CACNA1E: variants seen among roughly 807,000 people sequenced by gnomAD.
The protein encoded by CACNA1E is calcium voltage-gated channel subunit alpha1 E.
CACNA1E carries 40 observed loss-of-function variants against 259.2 expected under a neutral mutation model. The ratio of observed to expected loss-of-function variants is 0.15; its 90% CI spans 0.12 to 0.20. The LOEUF (loss-of-function observed/expected upper bound fraction) is 0.20. CACNA1E is among the 10% of genes least tolerant of loss of function. The pLI is 1.00. For missense variants in CACNA1E, 1,874 were observed against 3,040.1 expected (o/e 0.62, Z 9.02); for synonymous variants, 1,104 against 1,138.5 (o/e 0.97, Z 0.61).
At chr1:181,775,879 T>C (rs1245451839) in intron 37 of CACNA1E, among the ~76,000 whole-genome samples, 1 of 152,214 alleles carries the variant, frequency 6.6e-6, no homozygotes, top group Non-Finnish European at 1.5e-5. Context: ...CCGATCCTGG[T>C]CTACACTCTT....
chr1:181,704,322 C>T (rs959010484), intron 7 of CACNA1E, among the ~76,000 whole-genome samples: 1 of 152,158 alleles, frequency 6.6e-6, no homozygotes, highest in African/African-American at 2.4e-5. Context: ...TGAAGAGGCT[C>T]ACCCTAACCC....
chr1:181,419,158 A>G (rs895929443), intron 2 of CACNA1E, among the ~76,000 whole-genome samples: 5 of 152,190 alleles, frequency 3.3e-5, no homozygotes, highest in Admixed American at 2.0e-4. Flanking sequence ...CAAGAGTCTT[A>G]AGAAATATTT....
At chr1:181,787,548 T>C (rs1360979545) in intron 43 of CACNA1E, among the ~76,000 whole-genome samples, 1 of 152,236 alleles carries the variant, frequency 6.6e-6, no homozygotes, top group Non-Finnish European at 1.5e-5. Context: ...ATTTACTCAT[T>C]GATTTTTACC....
chr1:181,515,998 A>G (rs892693468), intron 3 of CACNA1E, among the ~76,000 whole-genome samples: 4 of 152,184 alleles, frequency 2.6e-5, no homozygotes, highest in African/African-American at 4.8e-5. Flanking sequence ...TGAGCCAGGC[A>G]GTGTCTATGT....
intron 1 of CACNA1E, among the ~76,000 whole-genome samples, chr1:181,356,663 C>G (rs1272845803): frequency 2.6e-5 from 4 of 152,224 alleles, no homozygotes; most frequent in African/African-American, 9.6e-5. Flanking sequence ...AGGCCTCAGC[C>G]TTGTTGAAAC....
At chr1:181,513,002 G>A (rs1012007778) in intron 3 of CACNA1E, among the ~76,000 whole-genome samples, 1 of 152,154 alleles carries the variant, frequency 6.6e-6, no homozygotes, top group East Asian at 1.9e-4. Flanking sequence ...ATTCTATCTA[G>A]AAGAAAAGTG....
intron 7 of CACNA1E, among the ~76,000 whole-genome samples, chr1:181,672,330 C>T (rs1648894432): frequency 6.6e-6 from 1 of 152,058 alleles, no homozygotes; most frequent in Non-Finnish European, 1.5e-5. Context: ...ACAACAAATG[C>T]CTGTGACATG....
chr1:181,605,911 T>C (rs1056984015), intron 6 of CACNA1E, among the ~76,000 whole-genome samples: 22 of 152,180 alleles, frequency 1.4e-4, no homozygotes, highest in African/African-American at 5.3e-4. Flanking sequence ...AATTCGGGAA[T>C]TTAAAACTCA....
intron 1 of CACNA1E, among the ~76,000 whole-genome samples, chr1:181,386,777 A>G (rs989579368): frequency 2.0e-5 from 3 of 152,150 alleles, no homozygotes; most frequent in Admixed American, 2.0e-4. Flanking sequence ...CTGCACCCCC[A>G]TGTAGGCCCT....
At position 181,794,963 on chromosome 1, in the gene CACNA1E, A is replaced by G; in HGVS notation, c.6127A>G (p.Ser2043Gly). The G allele has an allele frequency of 6.2e-7, 1 of 1,614,022 alleles. No individual in the cohort carries two copies. Among genetic ancestry groups the G allele is most frequent in the Non-Finnish European group, 8.5e-7 (1 of 1,179,878 alleles). The change falls in exon 46 of 48, where the codon AGT becomes GGT. Residue 2043 changes from serine to glycine, a missense_variant. Coordinates refer to ENST00000367573, the MANE Select transcript of CACNA1E (RefSeq NM_001205293.3). ...GGAGGAATTCTCCATGGAGCGAAGC[A>G]GTGAAAATACCTACAAGTCCCGTCG... ...WLEEFSMERS[S>G]ENTYKSRRRS... is the part of the protein sequence containing the mutation.
intron 6 of CACNA1E, among the ~76,000 whole-genome samples, chr1:181,640,163 G>A (rs548687628): frequency 5.9e-5 from 9 of 152,312 alleles, no homozygotes; most frequent in African/African-American, 1.9e-4. Flanking sequence ...TGTCCCCAAG[G>A]TCTGTCAAAG....
intron 4 of CACNA1E, among the ~76,000 whole-genome samples, chr1:181,578,870 C>T (rs1261837449): frequency 6.6e-6 from 1 of 152,226 alleles, no homozygotes; most frequent in East Asian, 1.9e-4. Context: ...GGAAGATGAA[C>T]TTTATCCCAG....
chr1:181,576,593 TAAAC>T (rs1417750315), intron 3 of CACNA1E, among the ~76,000 whole-genome samples: 1 of 152,160 alleles, frequency 6.6e-6, no homozygotes, highest in Non-Finnish European at 1.5e-5. Context: ...CCATCAGAAA[TAAAC>T]AAAACAAGCC....
intron 1 of CACNA1E, among the ~76,000 whole-genome samples, chr1:181,361,784 A>G (rs1489026895): frequency 6.6e-6 from 1 of 152,184 alleles, no homozygotes; most frequent in East Asian, 1.9e-4. Flanking sequence ...TGGTTCTGAT[A>G]TCTACAAGCT....
At chr1:181,637,460 C>T (rs534377192) in intron 6 of CACNA1E, among the ~76,000 whole-genome samples, 5 of 134,020 alleles carry the variant, frequency 3.7e-5, no homozygotes, top group African/African-American at 5.6e-5. Context: ...CCCTCCCTTC[C>T]TCCTTTCCTT....
At chr1:181,564,618 A>G (rs1649637883) in intron 3 of CACNA1E, among the ~76,000 whole-genome samples, 2 of 152,214 alleles carry the variant, frequency 1.3e-5, no homozygotes, top group Non-Finnish European at 2.9e-5. Context: ...TGAATCATGA[A>G]TGTTCTTAAT....
In CACNA1E at chr1:181,460,153, A is replaced by G. The variant is rs111301977; in HGVS notation, c.435-23591A>G. 7.1e-3 allele frequency among the ~76,000 whole-genome samples: 1,082 copies of G among 152,326 alleles called. 12 individuals carry two copies. The highest frequency in any genetic ancestry group is 0.025 in the African/African-American group (1,040 of 41,560). On this transcript the variant is annotated intron_variant, in intron 2 of 11. Coordinates refer to the CACNA1E transcript ENST00000524607. ...AGGGCCTGGTAGGACATGATAAGGAATTTACATTTCATTTTGAGAATTAGG... is the reference window on the plus strand; with the variant it reads ...AGGGCCTGGTAGGACATGATAAGGAGTTTACATTTCATTTTGAGAATTAGG...
intron 1 of CACNA1E, among the ~76,000 whole-genome samples, chr1:181,359,437 C>T (rs1653698366): frequency 6.6e-6 from 1 of 152,142 alleles, no homozygotes; most frequent in African/African-American, 2.4e-5. Context: ...GGCAAAACCA[C>T]AGAAGTTTGA....
chr1:181,346,272 T>A (rs562409753), intron 1 of CACNA1E, among the ~76,000 whole-genome samples: 1 of 152,388 alleles, frequency 6.6e-6, no homozygotes, highest in Admixed American at 6.5e-5. Context: ...TCCTGGGTCA[T>A]ACTTTCTCCA....
Sources: allele counts gnomAD v4.1 joint callset (sites outside exome capture counted in the v4.1 genomes callset), GRCh38; gene constraint gnomAD v4.1.1; transcripts MANE v1.5; gene names NCBI Gene and HGNC (gene_info 2026-07-23, HGNC 2026-07-21).